The following NSG2 variants were observed in gnomAD, a reference collection of about 807,000 sequenced individuals.
NSG2 encodes the protein neuronal vesicle trafficking-associated protein 2.
A neutral mutation model predicts 16.9 loss-of-function variants in NSG2; 4 were observed. The ratio of observed to expected loss-of-function variants is 0.24; its 90% CI spans 0.12 to 0.54. The LOEUF (loss-of-function observed/expected upper bound fraction) is 0.54, where lower values mean the gene tolerates loss of function less well. Among genes scored for constraint, NSG2 ranks in the 20% least tolerant of loss-of-function variants. The pLI is 0.95. For missense variants in NSG2, 179 were observed against 221.1 expected (o/e 0.81, Z 1.21); for synonymous variants, 98 against 88.7 (o/e 1.11, Z -0.59).
intron 3 of NSG2, among the ~76,000 whole-genome samples, chr5:174,079,943 G>C (rs1253365203): frequency 6.6e-6 from 1 of 152,120 alleles, no homozygotes; most frequent in Non-Finnish European, 1.5e-5. Context: ...TGTTTTATAT[G>C]TTACAATTTT....
intron 3 of NSG2, among the ~76,000 whole-genome samples, chr5:174,099,015 T>G (rs1187477782): frequency 6.6e-6 from 1 of 152,170 alleles, no homozygotes; most frequent in Non-Finnish European, 1.5e-5. Context: ...GGCTTTCATG[T>G]TCAGAGGTGC....
chr5:174,062,693 A>G (rs1048682855), intron 2 of NSG2: 1 of 152,040 alleles, frequency 6.6e-6, no homozygotes, highest in African/African-American at 2.4e-5. Flanking sequence ...GGCCTCCTTA[A>G]CCCCCATAAG....
intron 2 of NSG2, chr5:174,056,025 G>A (rs1317438662): frequency 2.0e-5 from 3 of 152,216 alleles, no homozygotes; most frequent in Non-Finnish European, 2.9e-5. Flanking sequence ...TCCCAACTAA[G>A]GATGCAGGCC....
intron 3 of NSG2, among the ~76,000 whole-genome samples, chr5:174,071,003 G>A (rs60487216): frequency 0.13 from 20,263 of 152,218 alleles, 1,804 homozygotes; most frequent in African/African-American, 0.25. Flanking sequence ...GCCTCATTAG[G>A]CTCTGGCCAG....
chr5:174,069,541 C>T (rs137860765), intron 3 of NSG2, among the ~76,000 whole-genome samples: 40 of 152,282 alleles, frequency 2.6e-4, no homozygotes, highest in African/African-American at 7.9e-4. Flanking sequence ...CTCCCAAGTT[C>T]CCAACTTTTC....
chr5:174,089,791 T>G (rs894349164), intron 3 of NSG2, among the ~76,000 whole-genome samples: 17 of 152,122 alleles, frequency 1.1e-4, no homozygotes, highest in African/African-American at 4.1e-4. Flanking sequence ...GTTTTTACTT[T>G]TTTCTTTTTT....
intron 2 of NSG2, among the ~76,000 whole-genome samples, chr5:174,061,150 T>C (rs201751138): frequency 2.9e-4 from 44 of 149,452 alleles, no homozygotes; most frequent in Admixed American, 1.3e-3. Context: ...CACACACACA[T>C]ATATACATAC....
chr5:174,086,316 A>T (rs149418359), intron 3 of NSG2: 63 of 152,374 alleles, frequency 4.1e-4, no homozygotes, highest in African/African-American at 1.4e-3. Flanking sequence ...GAAAGGCTTA[A>T]TGCAAGTAAC....
At chr5:174,049,733 T>C (rs1302655580) in intron 2 of NSG2, among the ~76,000 whole-genome samples, 1 of 152,190 alleles carries the variant, frequency 6.6e-6, no homozygotes, top group East Asian at 1.9e-4. Context: ...TGACCCACAG[T>C]GCGCTCCATT....
chr5:174,048,264 G>A (rs1483821614), intron 2 of NSG2, among the ~76,000 whole-genome samples: 1 of 152,218 alleles, frequency 6.6e-6, no homozygotes, highest in Admixed American at 6.5e-5. Flanking sequence ...CACCTGGGGA[G>A]ATTTTGAAAC....
rs12519299 is a variant in NSG2, at chr5:174,049,165, G to A, written c.129+2281G>A. Among the ~76,000 whole-genome samples, 6 of 151,810 alleles carry A rather than the reference G, an allele frequency of 4.0e-5. No individual in the cohort carries two copies. The East Asian group carries it at 7.7e-4, about 20-fold the overall frequency. ...CCATCCTGGCGAACACGGTGAAACC[G>A]CGTCTCTACTAAAAATACAAAAAAA... On this transcript the variant is annotated intron_variant, in intron 2 of 4. Coordinates refer to ENST00000303177, the MANE Select transcript of NSG2 (RefSeq NM_015980.5).
intron 3 of NSG2, among the ~76,000 whole-genome samples, chr5:174,079,454 C>T (rs962457461): frequency 6.6e-6 from 1 of 152,124 alleles, no homozygotes; most frequent in African/African-American, 2.4e-5. Flanking sequence ...GACGGGGTTT[C>T]ACCATGTTGG....
At chr5:174,102,941 C>CTTT (rs143473714) in intron 3 of NSG2, among the ~76,000 whole-genome samples, 12,652 of 111,336 alleles carry the variant, frequency 0.11, 1,202 homozygotes, top group African/African-American at 0.26. Context: ...ACCACCCTGG[C>CTTT]TTTTTTTTTT....
chr5:174,095,718 TC>T (rs1760786193), intron 3 of NSG2, among the ~76,000 whole-genome samples: 1 of 152,198 alleles, frequency 6.6e-6, no homozygotes, highest in Non-Finnish European at 1.5e-5. Flanking sequence ...CACTTTCAGG[TC>T]CCACATGCAT....
chr5:174,101,417 C>T (rs2113476934), intron 3 of NSG2, among the ~76,000 whole-genome samples: 1 of 152,306 alleles, frequency 6.6e-6, no homozygotes, highest in African/African-American at 2.4e-5. Flanking sequence ...TTTCATCACA[C>T]CAAAAGGAAA....
intron 3 of NSG2, among the ~76,000 whole-genome samples, chr5:174,095,397 A>G (rs1199572296): frequency 6.6e-6 from 1 of 152,280 alleles, no homozygotes; most frequent in Admixed American, 6.5e-5. Flanking sequence ...TGAAGTCTCC[A>G]GGGAAGAATC....
chr5:174,063,107 T>C lies in NSG2; in HGVS notation c.130-1125T>C, dbSNP rs531028744. On this transcript the variant is annotated intron_variant, in intron 2 of 4. Transcript: ENST00000303177. ...TCTAGTTCTGGCATATAATAAGTGG[T>C]TCAAAAATATTGCTCATTATCATCT... Among the ~76,000 whole-genome samples the C allele has an allele frequency of 3.1e-4, 47 of 152,308 alleles. No individual in the cohort carries two copies. The South Asian group carries it at 7.7e-3, about 25-fold the overall frequency.
chr5:174,088,187 G>T (rs1472130515), intron 3 of NSG2, among the ~76,000 whole-genome samples: 1 of 152,132 alleles, frequency 6.6e-6, no homozygotes, highest in African/African-American at 2.4e-5. Context: ...TCCACCTTTC[G>T]GCGTTTTGGG....
rs1759784210 is a variant in NSG2, at chr5:174,045,739, T to C, written c.-127T>C. The C allele has an allele frequency of 6.6e-6, 1 of 152,386 alleles. No homozygotes were observed. The highest frequency in any genetic ancestry group is 2.1e-4 in the South Asian group (1 of 4,836). 9.4% of individuals were successfully genotyped at this position (152,386 alleles called of 1,614,324 possible). On this transcript the variant is annotated 5_prime_UTR_variant, in exon 1 of 5. Coordinates refer to ENST00000303177, the MANE Select transcript of NSG2 (RefSeq NM_015980.5). ...CGATCCAGACACACGCGAGGCGCTG[T>C]CCTTTCAGCACCACAAGCTCGGGCT... is the stretch of plus-strand genomic sequence containing the variant.
Sources: allele counts gnomAD v4.1 joint callset (sites outside exome capture counted in the v4.1 genomes callset), GRCh38; gene constraint gnomAD v4.1.1; transcripts MANE v1.5; gene names NCBI Gene and HGNC (gene_info 2026-07-23, HGNC 2026-07-21).